Variants in DMD observed in about 807,000 individuals in gnomAD.
DMD encodes the protein mutant dystrophin.
Under a neutral mutation model 330.1 loss-of-function variants are expected in DMD, and 63 were observed. The ratio of observed to expected loss-of-function variants is 0.19; its 90% CI spans 0.16 to 0.24. The LOEUF (loss-of-function observed/expected upper bound fraction) is 0.24, where lower values mean the gene tolerates loss of function less well. Among genes scored for constraint, DMD ranks in the 10% least tolerant of loss-of-function variants. The probability of loss-of-function intolerance (pLI) is 1.00; values close to 1 mark genes in which losing one functional copy is unlikely to be tolerated. For synonymous variants in DMD, 1,223 were observed against 959.8 expected, an observed-to-expected ratio of 1.27 and a Z score of -5.07; for missense variants, 3,344 against 2,684.1, an observed-to-expected ratio of 1.25 and a Z score of -5.43.
At chrX:33,082,858 A>G (rs1265478436) in intron 1 of DMD, among the ~76,000 whole-genome samples, 1 of 112,176 alleles carries the variant, frequency 8.9e-6, no homozygotes, top group Non-Finnish European at 1.9e-5. Flanking sequence ...TGAAAAGCAG[A>G]CTTATGGGTG....
rs780896933 is a variant in DMD at position 32,468,631 on chromosome X, G to A, written c.3029C>T (p.Ala1010Val). Residue 1010 changes from alanine (A) to valine (V), a missense_variant, in exon 23 of 79, where the codon GCG becomes GTG. By Grantham distance (64) the Ala-to-Val change is moderately conservative. Transcript: ENST00000357033. Reference protein sequence around the residue: ...STTVKEMSKKAPSEISRKYQS... With the variant: ...STTVKEMSKKVPSEISRKYQS... ...ATATTTCCGGCTAATTTCAGAGGGC[G>A]CTTTCTTCGACATCTCTTTCACAGT... 9.9e-6 allele frequency: 12 copies of A among 1,209,131 alleles called. No individual in the cohort carries two copies. The highest frequency in any genetic ancestry group is 3.5e-5 in the South Asian group (2 of 56,784).
intron 60 of DMD, among the ~76,000 whole-genome samples, chrX:31,380,377 T>C (rs766827511): frequency 2.7e-4 from 29 of 109,259 alleles, no homozygotes; most frequent in East Asian, 5.8e-4. Flanking sequence ...CCCTTGTATC[T>C]CCCCACCTTA....
intron 4 of DMD, among the ~76,000 whole-genome samples, chrX:32,836,284 A>G (rs184799509): frequency 0.014 from 1,497 of 109,780 alleles, 32 homozygotes; most frequent in African/African-American, 0.047. Context: ...TGCCCGCCCC[A>G]GCCTCCCAAA....
At chrX:31,188,455 T>C (rs1220891669) in intron 67 of DMD, among the ~76,000 whole-genome samples, 2 of 112,096 alleles carry the variant, frequency 1.8e-5, no homozygotes, top group Non-Finnish European at 3.8e-5. Context: ...GTAAGTACCA[T>C]TATTTGTTGA....
intron 61 of DMD, among the ~76,000 whole-genome samples, chrX:31,340,954 A>G (rs1223329759): frequency 8.9e-6 from 1 of 112,250 alleles, no homozygotes; most frequent in African/African-American, 3.2e-5. Flanking sequence ...TTAGTTATAC[A>G]AACAACTATT....
At chrX:32,872,717 G>C (rs755806992) in intron 2 of DMD, among the ~76,000 whole-genome samples, 2 of 112,188 alleles carry the variant, frequency 1.8e-5, no homozygotes, top group South Asian at 3.7e-4. Context: ...AGGGAAGTAG[G>C]GGAAGTGGAT....
At chrX:32,797,217 G>GC (rs201452651) in intron 7 of DMD, among the ~76,000 whole-genome samples, 1,288 of 111,112 alleles carry the variant, frequency 0.012, 17 homozygotes, top group African/African-American at 0.04. Context: ...TGAACTCCTG[G>GC]CCTAAAGCAA....
At chrX:31,524,636 T>C (rs2073106936) in intron 55 of DMD, among the ~76,000 whole-genome samples, 1 of 111,993 alleles carries the variant, frequency 8.9e-6, no homozygotes, top group South Asian at 3.8e-4. Context: ...AAGCTCTTTA[T>C]TGGAGAGATA....
chrX:32,483,146 C>CATATATATATATATAT lies in DMD; in HGVS notation c.2803+1757_2803+1772dup, dbSNP rs201134649. The stretch of plus-strand genomic sequence containing the variant: ...ATTTCATATGCTACATTTTTCATTC[C>CATATATATATATATAT]ATATATATATATATATATACACCAT... On this transcript the variant is annotated intron_variant, in intron 21 of 78. Transcript: ENST00000357033. 1.5e-3 allele frequency among the ~76,000 whole-genome samples: 59 copies of CATATATATATATATAT among 39,270 alleles called. 4 individuals are homozygous for CATATATATATATATAT. Among genetic ancestry groups the CATATATATATATATAT allele is most frequent in the African/African-American group, 3.7e-3 (58 of 15,787 alleles). The allele number at this position is 39,270 out of a possible 115,157, so 34.1% of individuals were successfully genotyped here.
rs1383701636 is a variant in DMD, at chrX:32,887,770, A to AAAAAAAAAAAAAAAAAAAAAAAAC, written c.94-37951_94-37950insGTTTTTTTTTTTTTTTTTTTTTTT. On this transcript the variant is annotated intron_variant, in intron 2 of 78. Transcript: ENST00000357033. Reference sequence around the variant, plus strand: ...CAAAAAAAAAAAAAAAAAAAAAAAAAAAAAAACATCAACTAAAAGCTTATG... The same window carrying AAAAAAAAAAAAAAAAAAAAAAAAC: ...CAAAAAAAAAAAAAAAAAAAAAAAAAAAAAAAAAAAAAAAAAAAAAAAACAAAAAACATCAACTAAAAGCTTATG... Among the ~76,000 whole-genome samples the AAAAAAAAAAAAAAAAAAAAAAAAC allele has an allele frequency of 2.8e-4, 20 of 70,359 alleles. 4 individuals are homozygous for AAAAAAAAAAAAAAAAAAAAAAAAC. Among genetic ancestry groups the AAAAAAAAAAAAAAAAAAAAAAAAC allele is most frequent in the East Asian group, 4.1e-4 (1 of 2,447 alleles). 61.1% of individuals were successfully genotyped at this position (70,359 alleles called of 115,157 possible).
intron 17 of DMD, among the ~76,000 whole-genome samples, chrX:32,537,880 T>C (rs1308963018): frequency 8.9e-6 from 1 of 112,273 alleles, no homozygotes; most frequent in Non-Finnish European, 1.9e-5. Flanking sequence ...TCTGGAAGAA[T>C]ACATTTTCAC....
intron 1 of DMD, among the ~76,000 whole-genome samples, chrX:33,207,961 C>T (rs1461508092): frequency 1.8e-5 from 2 of 111,495 alleles, no homozygotes; most frequent in South Asian, 3.7e-4. Context: ...GATAACAGAA[C>T]ACAAACCTCC....
intron 9 of DMD, among the ~76,000 whole-genome samples, chrX:32,686,144 A>AT (rs1440402001): frequency 2.7e-5 from 3 of 111,640 alleles, no homozygotes; most frequent in Non-Finnish European, 5.6e-5. Context: ...GCATTATTAC[A>AT]TTTTTTCACT....
At chrX:31,705,427 T>C (rs1274732186) in intron 52 of DMD, among the ~76,000 whole-genome samples, 1 of 112,831 alleles carries the variant, frequency 8.9e-6, no homozygotes, top group African/African-American at 3.2e-5. Context: ...TAAGGGGTCT[T>C]AGGAGTCTTG....
At chrX:32,171,095 T>C (rs1323043551) in intron 44 of DMD, among the ~76,000 whole-genome samples, 1 of 112,060 alleles carries the variant, frequency 8.9e-6, no homozygotes, top group African/African-American at 3.2e-5. Context: ...AGCAAATGAA[T>C]ATATTGATAT....
intron 51 of DMD, among the ~76,000 whole-genome samples, chrX:31,740,621 T>C (rs1434459903): frequency 8.9e-6 from 1 of 111,990 alleles, no homozygotes; most frequent in Admixed American, 9.5e-5. Flanking sequence ...ATCTAAAAAA[T>C]GTACATACCT....
intron 11 of DMD, among the ~76,000 whole-genome samples, chrX:32,643,490 T>C (rs1287206588): frequency 9.0e-6 from 1 of 111,491 alleles, no homozygotes; most frequent in Non-Finnish European, 1.9e-5. Context: ...TGATAGGCTT[T>C]ACATGAATAT....
intron 2 of DMD, among the ~76,000 whole-genome samples, chrX:32,929,762 T>C (rs1259383114): frequency 2.7e-5 from 3 of 110,728 alleles, no homozygotes; most frequent in African/African-American, 6.6e-5. Flanking sequence ...CTTCCCTGTG[T>C]CCATGTGTTC....
chrX:31,928,102 C>T (rs1355226195), intron 47 of DMD, among the ~76,000 whole-genome samples: 1 of 111,947 alleles, frequency 8.9e-6, no homozygotes, highest in Non-Finnish European at 1.9e-5. Flanking sequence ...AGTTCTGACA[C>T]ATGCTACAAC....
Sources: allele counts gnomAD v4.1 joint callset (sites outside exome capture counted in the v4.1 genomes callset), GRCh38; gene constraint gnomAD v4.1.1; transcripts MANE v1.5; gene names NCBI Gene and HGNC (gene_info 2026-07-23, HGNC 2026-07-21).